FRMD5: variants seen among roughly 807,000 people sequenced by gnomAD.
The protein encoded by FRMD5 is FERM domain-containing protein 5.
FRMD5 carries 20 observed loss-of-function variants against 69.0 expected under a neutral mutation model. That is an observed-to-expected ratio of 0.29 (90% CI 0.20 to 0.42). FRMD5 has a LOEUF of 0.42. Among genes scored for constraint, FRMD5 ranks in the 10% least tolerant of loss-of-function variants. The probability of loss-of-function intolerance (pLI) is 1.00; values close to 1 mark genes in which losing one functional copy is unlikely to be tolerated. For missense variants in FRMD5, 595 were observed against 708.6 expected (o/e 0.84, Z 1.82); for synonymous variants, 271 against 260.1 (o/e 1.04, Z -0.40).
intron 1 of FRMD5, among the ~76,000 whole-genome samples, chr15:44,104,242 T>C (rs2076681076): frequency 1.3e-5 from 2 of 152,220 alleles, no homozygotes; most frequent in Admixed American, 1.3e-4. Flanking sequence ...AATGTTTTTG[T>C]ACAACTGTGC....
At chr15:43,985,298 AAAAAAAG>A (rs1456238643) in intron 1 of FRMD5, among the ~76,000 whole-genome samples, 7 of 151,356 alleles carry the variant, frequency 4.6e-5, no homozygotes, top group African/African-American at 1.7e-4. Context: ...AAAAAAAAAA[AAAAAAAG>A]ATTGGGCGTT....
chr15:44,177,979 C>T (rs1451350654), intron 1 of FRMD5, among the ~76,000 whole-genome samples: 1 of 152,144 alleles, frequency 6.6e-6, no homozygotes, highest in East Asian at 1.9e-4. Flanking sequence ...AACTGTACAG[C>T]TAAAAAAGTT....
At chr15:44,104,604 A>T (rs1157580539) in intron 1 of FRMD5, among the ~76,000 whole-genome samples, 2 of 152,214 alleles carry the variant, frequency 1.3e-5, no homozygotes, top group Non-Finnish European at 2.9e-5. Context: ...TTAGATACCC[A>T]AATACTTACC....
At chr15:44,091,505 CCTAA>C (rs1188365444) in intron 1 of FRMD5, among the ~76,000 whole-genome samples, 1 of 152,070 alleles carries the variant, frequency 6.6e-6, no homozygotes, top group Non-Finnish European at 1.5e-5. Flanking sequence ...TGAATGCTTT[CCTAA>C]CTAATTTTAG....
intron 1 of FRMD5, among the ~76,000 whole-genome samples, chr15:43,962,483 A>G (rs1266566762): frequency 6.6e-6 from 1 of 152,232 alleles, no homozygotes; most frequent in Non-Finnish European, 1.5e-5. Context: ...ATACTGCCCA[A>G]GGTAATTTAT....
intron 1 of FRMD5, among the ~76,000 whole-genome samples, chr15:44,172,389 G>A (rs528236412): frequency 1.3e-5 from 2 of 150,482 alleles, no homozygotes; most frequent in South Asian, 4.2e-4. Context: ...AAGTGCTGGG[G>A]GTTCAGGTGT....
chr15:44,160,289 G>A (rs1343088675), intron 1 of FRMD5, among the ~76,000 whole-genome samples: 2 of 152,252 alleles, frequency 1.3e-5, no homozygotes, highest in African/African-American at 4.8e-5. Flanking sequence ...CCGGGAAGCA[G>A]AGGTTGCAGT....
chr15:44,120,092 G>C (rs571174624), intron 1 of FRMD5, among the ~76,000 whole-genome samples: 4 of 152,162 alleles, frequency 2.6e-5, no homozygotes, highest in African/African-American at 9.7e-5. Flanking sequence ...ATACAATTCT[G>C]AACAGGTACA....
At chr15:44,098,415 C>T (rs1373861952) in intron 1 of FRMD5, among the ~76,000 whole-genome samples, 2 of 151,558 alleles carry the variant, frequency 1.3e-5, no homozygotes, top group Admixed American at 6.6e-5. Context: ...GTCCCAGCTA[C>T]TTGGGAGGCT....
intron 1 of FRMD5, among the ~76,000 whole-genome samples, chr15:44,005,364 G>A (rs980249619): frequency 6.6e-6 from 1 of 151,046 alleles, no homozygotes; most frequent in Non-Finnish European, 1.5e-5. Flanking sequence ...CCAGCTACTC[G>A]GGATGCTGAG....
chr15:43,880,949 C>T (rs781161906), intron 13 of FRMD5, among the ~76,000 whole-genome samples: 1 of 152,224 alleles, frequency 6.6e-6, no homozygotes, highest in East Asian at 1.9e-4. Flanking sequence ...CCTGACTCAG[C>T]CTCAGCATGT....
At chr15:44,031,147 C>G (rs1891663283) in intron 1 of FRMD5, among the ~76,000 whole-genome samples, 1 of 151,940 alleles carries the variant, frequency 6.6e-6, no homozygotes, top group South Asian at 2.1e-4. Context: ...ACTCAGCTAC[C>G]TGCTTGGGTG....
At chr15:44,171,769 T>C (rs1334773100) in intron 1 of FRMD5, among the ~76,000 whole-genome samples, 4 of 152,292 alleles carry the variant, frequency 2.6e-5, no homozygotes, top group African/African-American at 9.6e-5. Context: ...TTGGTCAGTA[T>C]CTGCTGGCTT....
Position 43,874,304 on chromosome 15 carries a change from G to A in FRMD5, c.1294C>T (p.Pro432Ser), listed in dbSNP as rs572548037. 4.3e-6 allele frequency: 7 copies of A among 1,614,218 alleles called. No homozygotes were observed. The South Asian group carries it at 5.5e-5, about 13-fold the overall frequency. The stretch of plus-strand genomic sequence containing the variant: ...AGGCTGTGCTCAGCCACAGGGGTGG[G>A]CAGCACGCTGTCTGCAGGGCTGTAG... ...EAYSPADSVLPTPVAEHSLEL... is the reference protein window; with the variant it reads ...EAYSPADSVLSTPVAEHSLEL... Residue 432 changes from proline (P) to serine (S), a missense_variant, in exon 14 of 14, where the codon CCC (proline) becomes TCC (serine). By Grantham distance (74) the Pro-to-Ser change is moderately conservative (BLOSUM62 -1). Transcript: ENST00000417257.
At chr15:44,024,808 C>T (rs1330020973) in intron 1 of FRMD5, among the ~76,000 whole-genome samples, 1 of 152,182 alleles carries the variant, frequency 6.6e-6, no homozygotes, top group Non-Finnish European at 1.5e-5. Context: ...ACATCTACTT[C>T]ATGTGATAAA....
intron 1 of FRMD5, among the ~76,000 whole-genome samples, chr15:44,028,997 T>C (rs1891560092): frequency 6.6e-6 from 1 of 152,242 alleles, no homozygotes; most frequent in Non-Finnish European, 1.5e-5. Context: ...AAACCATTTC[T>C]ATTTTATTTA....
intron 6 of FRMD5, among the ~76,000 whole-genome samples, chr15:43,903,938 G>A (rs969117588): frequency 2.0e-5 from 3 of 152,180 alleles, no homozygotes; most frequent in Admixed American, 6.5e-5. Context: ...CCACAGGCCC[G>A]TGTTTATTCT....
upstream of FRMD5, among the ~76,000 whole-genome samples, chr15:44,196,461 G>A (rs2078299079): frequency 6.7e-6 from 1 of 149,710 alleles, no homozygotes; most frequent in Non-Finnish European, 1.5e-5. Flanking sequence ...GCAAGCCACC[G>A]TCTCAAAAAA....
chr15:43,945,397 A>G (rs1462207499), intron 1 of FRMD5, among the ~76,000 whole-genome samples: 1 of 152,230 alleles, frequency 6.6e-6, no homozygotes, highest in African/African-American at 2.4e-5. Flanking sequence ...ACTAGAAAGA[A>G]TACTAAACAA....
Sources: allele counts gnomAD v4.1 joint callset (sites outside exome capture counted in the v4.1 genomes callset), GRCh38; gene constraint gnomAD v4.1.1; transcripts MANE v1.5; gene names NCBI Gene and HGNC (gene_info 2026-07-23, HGNC 2026-07-21).